The following POSTN variants were observed in gnomAD, a reference collection of about 807,000 sequenced individuals.
POSTN encodes periostin, also known as osteoblast specific factor 2 (fasciclin I-like).
In POSTN, 71 loss-of-function variants were observed where a neutral mutation model predicts 104.5. The observed-to-expected ratio is 0.68, with a 90% CI of 0.56 to 0.83. The LOEUF is 0.83. Ranked by LOEUF, POSTN falls within the 40% of genes least tolerant of loss-of-function variation. POSTN has a pLI of 0.00. For missense variants in POSTN, 949 were observed against 1,006.8 expected (o/e 0.94, Z 0.78); for synonymous variants, 355 against 340.7 (o/e 1.04, Z -0.46).
In POSTN at chr13:37,586,248, G is replaced by T. The variant is rs1199086936; in HGVS notation, c.786C>A (p.Ala262=). The T allele has an allele frequency of 6.2e-7, 1 of 1,613,202 alleles. No individual in the cohort carries two copies. Residue 262 remains alanine, a synonymous_variant, in exon 7 of 23, where the codon GCC becomes GCA. Coordinates refer to ENST00000379747, the MANE Select transcript of POSTN (RefSeq NM_006475.3). The stretch of plus-strand genomic sequence containing the variant: ...GTGTGAAGTGACCGTCTCTTCCAAG[G>T]GCCTCCAATATGTCCGATGTGATGG... ...AAAITSDILE[A]LGRDGHFTLF...
chr13:37,592,288 T>C (rs1015463994), intron 2 of POSTN, 124 bp from the exon 3 acceptor site: 11 of 679,984 alleles, frequency 1.6e-5, no homozygotes, highest in Admixed American at 9.6e-5. Context: ...CAGGTTTTTT[T>C]TCCCCCCTGA....
intron 16 of POSTN, among the ~76,000 whole-genome samples, chr13:37,577,423 T>C (rs1399090019): frequency 6.6e-6 from 1 of 152,198 alleles, no homozygotes; most frequent in African/African-American, 2.4e-5. Context: ...TGTCCACACA[T>C]CTGAATTTTT....
rs947986678 is a variant in POSTN at position 37,563,222 on chromosome 13, C to T, written c.*111G>A. On this transcript the variant is annotated 3_prime_UTR_variant, in exon 23 of 23. Coordinates refer to ENST00000379747, the MANE Select transcript of POSTN (RefSeq NM_006475.3). Reference sequence around the variant, plus strand: ...TGTGTTCAGAATTATTTGATGATTGCTTCTTTGTGCTGATGTTTCAGTTCC... The same window carrying T: ...TGTGTTCAGAATTATTTGATGATTGTTTCTTTGTGCTGATGTTTCAGTTCC... 2 of 567,704 alleles carry T rather than the reference C, an allele frequency of 3.5e-6. No homozygotes were observed. Among genetic ancestry groups the T allele is most frequent in the Non-Finnish European group, 3.1e-6 (1 of 325,296 alleles). The allele number at this position is 567,704 out of a possible 1,614,324, so 35.2% of individuals were successfully genotyped here. A position where few individuals can be genotyped will look rare whatever the true frequency, so the allele number is the denominator to read the frequency against.
At position 37,581,440 on chromosome 13, in the gene POSTN, C is replaced by T. The variant is rs148005437; in HGVS notation, c.1393-743G>A. Among the ~76,000 whole-genome samples, 13 of 152,310 alleles carry T rather than the reference C, an allele frequency of 8.5e-5. No individual in the cohort carries two copies. The East Asian group carries it at 2.5e-3, about 29-fold the overall frequency. On this transcript the variant is annotated intron_variant, in intron 10 of 22. Transcript: ENST00000379747. Reference sequence around the variant, plus strand: ...TCCTGCAGCAAAATGTATGTTAGGGCTGGGTGCAGCGGCTCATGCCTGTAA... The same window carrying T: ...TCCTGCAGCAAAATGTATGTTAGGGTTGGGTGCAGCGGCTCATGCCTGTAA...
At position 37,563,849 on chromosome 13, in the gene POSTN, G is replaced by A. The variant is rs145727478; in HGVS notation, c.2474-479C>T. ...CAAGGGAAATTCTTGCTCTCTCAATGTATTGGAATGTAAGATAACTTAAGT... is the reference window on the plus strand; with the variant it reads ...CAAGGGAAATTCTTGCTCTCTCAATATATTGGAATGTAAGATAACTTAAGT... On this transcript the variant is annotated intron_variant, in intron 22 of 22. Coordinates refer to ENST00000379747, the MANE Select transcript of POSTN (RefSeq NM_006475.3). Among the ~76,000 whole-genome samples, 422 of 152,032 alleles carry A rather than the reference G, an allele frequency of 2.8e-3. 2 individuals are homozygous for A. Among genetic ancestry groups the A allele is most frequent in the Non-Finnish European group, 4.4e-3 (300 of 67,856 alleles).
chr13:37,569,263 A>G (rs372400582), intron 21 of POSTN, 37 bp downstream of exon 21: 1 of 1,478,900 alleles, frequency 6.8e-7, no homozygotes, highest in African/African-American at 1.4e-5. Context: ...AGTCACTAGA[A>G]CCTGTTAAGG....
intron 7 of POSTN, 54 bp from the exon 8 acceptor site, chr13:37,584,982 AC>A: frequency 6.3e-7 from 1 of 1,595,106 alleles, no homozygotes; most frequent in Non-Finnish European, 8.5e-7. Context: ...ATAACATTTG[AC>A]CCTGAAAAGA....
intron 10 of POSTN, among the ~76,000 whole-genome samples, chr13:37,581,545 C>A (rs780750659): frequency 6.6e-5 from 10 of 152,038 alleles, no homozygotes; most frequent in Admixed American, 4.6e-4. Flanking sequence ...TGTAGCAAGA[C>A]CCTGTCTCAA....
chr13:37,577,703 C>A (rs781140608), intron 16 of POSTN, 50 bp downstream of exon 16: 1 of 1,593,828 alleles, frequency 6.3e-7, no homozygotes, highest in Non-Finnish European at 8.5e-7. Context: ...GTATTGTTTT[C>A]TTTTTTCATA....
chr13:37,593,455 G>A (rs1050495912), intron 2 of POSTN, among the ~76,000 whole-genome samples: 1 of 151,300 alleles, frequency 6.6e-6, no homozygotes, highest in Non-Finnish European at 1.5e-5. Context: ...AAAGGTACAT[G>A]TACCAAACAA....
At chr13:37,580,859 C>G (rs536244428) in intron 10 of POSTN, among the ~76,000 whole-genome samples, 162 bp from the exon 11 acceptor site, 2 of 152,274 alleles carry the variant, frequency 1.3e-5, no homozygotes, top group East Asian at 3.9e-4. Flanking sequence ...ATGGCTCACA[C>G]AAACTCACAA....
At chr13:37,596,479 C>T (rs1042207697) in intron 2 of POSTN, among the ~76,000 whole-genome samples, 2 of 152,136 alleles carry the variant, frequency 1.3e-5, no homozygotes, top group South Asian at 4.1e-4. Flanking sequence ...AACCAGAAGG[C>T]ATGTCTATTA....
At chr13:37,593,807 G>C (rs1478718853) in intron 2 of POSTN, among the ~76,000 whole-genome samples, 2 of 151,450 alleles carry the variant, frequency 1.3e-5, no homozygotes, top group Non-Finnish European at 3.0e-5. Flanking sequence ...TTATAGAGTT[G>C]AATAAAAGTA....
At chr13:37,567,160 C>T (rs1193458815) in intron 21 of POSTN, among the ~76,000 whole-genome samples, 4 of 129,054 alleles carry the variant, frequency 3.1e-5, no homozygotes, top group Middle Eastern at 3.8e-3. Context: ...GGCGTGAACC[C>T]GGGAGGCGGA....
intron 21 of POSTN, among the ~76,000 whole-genome samples, chr13:37,566,004 A>C (rs1469953564): frequency 6.6e-6 from 1 of 152,180 alleles, no homozygotes; most frequent in African/African-American, 2.4e-5. Context: ...ATTTCTTTTC[A>C]AAACAAGTGT....
intron 7 of POSTN, among the ~76,000 whole-genome samples, chr13:37,585,493 CTGAGGA>C (rs1467046123): frequency 3.3e-5 from 5 of 152,236 alleles, no homozygotes; most frequent in Admixed American, 3.3e-4. Context: ...TCGATAGAGG[CTGAGGA>C]TAAGACAAAT....
At chr13:37,579,790 A>T in intron 12 of POSTN, 71 bp downstream of exon 12, 5 of 1,526,584 alleles carry the variant, frequency 3.3e-6, no homozygotes, top group South Asian at 1.3e-5. Flanking sequence ...AGACATCTGG[A>T]CAGGAAAGCT....
At chr13:37,593,945 A>G (rs1951012801) in intron 2 of POSTN, among the ~76,000 whole-genome samples, 1 of 151,788 alleles carries the variant, frequency 6.6e-6, no homozygotes, top group South Asian at 2.1e-4. Flanking sequence ...TATTGGCTTA[A>G]GAATAATAGA....
At position 37,570,685 on chromosome 13, in the gene POSTN, T is replaced by C. The variant is rs756661917; in HGVS notation, c.2180-16A>G. On this transcript the variant is annotated splice_polypyrimidine_tract_variant and intron_variant, in intron 18 of 22. Coordinates refer to ENST00000379747, the MANE Select transcript of POSTN (RefSeq NM_006475.3). ...ATAATTGGCTCTAAAAGCAGGGGAA[T>C]ACAAATGCATTTGATTTACCCTCAT... The C allele has an allele frequency of 6.7e-7, 1 of 1,482,728 alleles. No individual in the cohort carries two copies. Among genetic ancestry groups the C allele is most frequent in the South Asian group, 1.1e-5 (1 of 88,168 alleles). The allele number at this position is 1,482,728 out of a possible 1,614,324, so 91.8% of individuals were successfully genotyped here. A position where few individuals can be genotyped will look rare whatever the true frequency, so the allele number is the denominator to read the frequency against.
Sources: allele counts gnomAD v4.1 joint callset (sites outside exome capture counted in the v4.1 genomes callset), GRCh38; gene constraint gnomAD v4.1.1; transcripts MANE v1.5; gene names NCBI Gene and HGNC (gene_info 2026-07-23, HGNC 2026-07-21).